BRINP3: variants seen among roughly 807,000 people sequenced by gnomAD.
The protein encoded by BRINP3 is BMP/retinoic acid-inducible neural-specific protein 3.
BRINP3 carries 19 observed loss-of-function variants against 71.0 expected under a neutral mutation model. The ratio of observed to expected loss-of-function variants is 0.27; its 90% CI spans 0.19 to 0.39. The LOEUF is 0.39. Among genes scored for constraint, BRINP3 ranks in the 10% least tolerant of loss-of-function variants. BRINP3 has a pLI of 1.00. For synonymous variants in BRINP3, 380 were observed against 337.7 expected (o/e 1.13, Z -1.37); for missense variants, 959 against 940.8 (o/e 1.02, Z -0.25).
chr1:190,269,879 C>G (rs563004042), intron 3 of BRINP3, among the ~76,000 whole-genome samples: 3 of 151,924 alleles, frequency 2.0e-5, no homozygotes, highest in Non-Finnish European at 4.4e-5. Context: ...CACAATCCTA[C>G]TTTTTAGAAT....
intron 1 of BRINP3, among the ~76,000 whole-genome samples, chr1:190,463,788 A>G (rs1200888983): frequency 2.0e-5 from 3 of 151,862 alleles, no homozygotes; most frequent in Admixed American, 6.6e-5. Context: ...GACAACTTCA[A>G]ATTGTTCTTT....
rs186734413 is a variant in BRINP3 at position 190,316,933 on chromosome 1, A to C, written c.237-35183T>G. ...CATGCCTGTAACCCTAGCATTTTTTAAGGCTGAGGTGGGCGGATCACCTGA... is the reference window on the plus strand; with the variant it reads ...CATGCCTGTAACCCTAGCATTTTTTCAGGCTGAGGTGGGCGGATCACCTGA... On this transcript the variant is annotated intron_variant, in intron 2 of 7. Transcript: ENST00000367462. 6.3e-3 allele frequency among the ~76,000 whole-genome samples: 959 copies of C among 152,000 alleles called. 7 individuals are homozygous for C. The highest frequency in any genetic ancestry group is 0.011 in the Non-Finnish European group (731 of 67,946).
chr1:190,470,081 A>G (rs1677029155), intron 1 of BRINP3, among the ~76,000 whole-genome samples: 1 of 151,054 alleles, frequency 6.6e-6, no homozygotes, highest in South Asian at 2.1e-4. Flanking sequence ...AAAATCTAAA[A>G]TGCATGGTTA....
intron 7 of BRINP3, among the ~76,000 whole-genome samples, chr1:190,114,274 A>G (rs1239699992): frequency 6.6e-6 from 1 of 152,134 alleles, no homozygotes; most frequent in Admixed American, 6.6e-5. Context: ...GAAGTAGAGC[A>G]GTTGCCAGTA....
At chr1:190,311,753 G>C (rs1044375030) in intron 2 of BRINP3, among the ~76,000 whole-genome samples, 1 of 150,786 alleles carries the variant, frequency 6.6e-6, no homozygotes, top group Non-Finnish European at 1.5e-5. Context: ...AAAATAACTG[G>C]TGACACTAAA....
In BRINP3 at chr1:190,098,896, T is replaced by C. The variant is rs559175073; in HGVS notation, c.1423A>G (p.Lys475Glu). 3 of 1,614,166 alleles carry C rather than the reference T, an allele frequency of 1.9e-6. No homozygotes were observed. The highest frequency in any genetic ancestry group is 2.2e-5 in the East Asian group (1 of 44,876). The stretch of plus-strand genomic sequence containing the variant: ...TCGGTGGACTCGGCGACTTCAGGCT[T>C]GCAGAGCCCCTGGCTGAGCATGTAG... ...TGYMLSQGLCKPEVAESTDHY... is the reference protein window; with the variant it reads ...TGYMLSQGLCEPEVAESTDHY... Residue 475 changes from lysine (K) to glutamate (E), a missense_variant, in exon 8 of 8, where the codon AAG (lysine) becomes GAG (glutamate). Physicochemically the swap from Lys to Glu is moderately conservative, Grantham distance 56 (BLOSUM62 1). Transcript: ENST00000367462.
At chr1:190,312,075 A>ATATATG (rs1328430258) in intron 2 of BRINP3, among the ~76,000 whole-genome samples, 9 of 136,532 alleles carry the variant, frequency 6.6e-5, no homozygotes, top group African/African-American at 2.2e-4. Flanking sequence ...ATATATATAT[A>ATATATG]TGTATTTCTA....
chr1:190,316,982 G>C (rs1665923231), intron 2 of BRINP3, among the ~76,000 whole-genome samples: 1 of 151,836 alleles, frequency 6.6e-6, no homozygotes, highest in Non-Finnish European at 1.5e-5. Context: ...AGACCAGCCT[G>C]GCCAACATGG....
intron 4 of BRINP3, among the ~76,000 whole-genome samples, chr1:190,247,868 A>G (rs879601021): frequency 5.3e-5 from 8 of 151,892 alleles, no homozygotes; most frequent in Non-Finnish European, 1.0e-4. Flanking sequence ...TCCAATACAC[A>G]TTTCCAATAT....
At chr1:190,226,833 A>C (rs1012099917) in intron 5 of BRINP3, among the ~76,000 whole-genome samples, 1 of 152,090 alleles carries the variant, frequency 6.6e-6, no homozygotes, top group African/African-American at 2.4e-5. Flanking sequence ...TATAAGTTAT[A>C]TAATTCTATT....
At chr1:190,468,482 G>T (rs78720496) in intron 1 of BRINP3, among the ~76,000 whole-genome samples, 1 of 151,116 alleles carries the variant, frequency 6.6e-6, no homozygotes, top group African/African-American at 2.4e-5. Context: ...CAAGATATTT[G>T]TTAAAATTTC....
intron 2 of BRINP3, among the ~76,000 whole-genome samples, chr1:190,327,674 A>G (rs1344991417): frequency 1.3e-5 from 2 of 152,144 alleles, no homozygotes. Context: ...ACTTACAAAG[A>G]CTTACACAGC....
intron 4 of BRINP3, among the ~76,000 whole-genome samples, chr1:190,260,789 T>A (rs1356449800): frequency 6.6e-6 from 1 of 152,102 alleles, no homozygotes; most frequent in Non-Finnish European, 1.5e-5. Flanking sequence ...AAGTTAACTA[T>A]GCAGCAGTAA....
At chr1:190,280,380 A>G (rs1383395557) in intron 3 of BRINP3, among the ~76,000 whole-genome samples, 3 of 151,840 alleles carry the variant, frequency 2.0e-5, no homozygotes, top group African/African-American at 7.2e-5. Context: ...GGCCAGTTCT[A>G]GGTTTCAGTT....
intron 7 of BRINP3, among the ~76,000 whole-genome samples, chr1:190,120,551 A>G (rs1571754815): frequency 6.6e-6 from 1 of 152,098 alleles, no homozygotes; most frequent in African/African-American, 2.4e-5. Context: ...GCTAGAGTGC[A>G]GTGGTGCAAT....
intron 2 of BRINP3, among the ~76,000 whole-genome samples, chr1:190,453,203 ATTT>A (rs1190785225): frequency 3.7e-3 from 153 of 40,828 alleles, no homozygotes; most frequent in African/African-American, 0.011. Flanking sequence ...AAACTTTAGT[ATTT>A]TTTTTTTTTT....
intron 2 of BRINP3, among the ~76,000 whole-genome samples, chr1:190,444,669 G>C (rs1483901213): frequency 6.6e-6 from 1 of 151,946 alleles, no homozygotes; most frequent in African/African-American, 2.4e-5. Context: ...TGAGTACCTG[G>C]GATTTACAGG....
chr1:190,310,498 C>A (rs1665440377), intron 2 of BRINP3, among the ~76,000 whole-genome samples: 3 of 151,654 alleles, frequency 2.0e-5, no homozygotes, highest in African/African-American at 7.3e-5. Context: ...ACCAAAATTT[C>A]TTTCTGGAAA....
intron 2 of BRINP3, among the ~76,000 whole-genome samples, chr1:190,357,360 G>A (rs969746853): frequency 7.2e-5 from 11 of 152,042 alleles, no homozygotes; most frequent in African/African-American, 2.4e-4. Context: ...GAGGAACTTC[G>A]ATTATAGTAT....
Sources: gnomAD v4.1 joint callset for allele counts (sites outside exome capture counted in the v4.1 genomes callset) on GRCh38, gnomAD v4.1.1 for gene constraint, MANE v1.5 for transcripts, NCBI Gene and HGNC (gene_info 2026-07-23, HGNC 2026-07-21) for gene names.